Variants in SYTL1 observed in about 807,000 individuals in gnomAD.
SYTL1 encodes the protein synaptotagmin like 1.
SYTL1 carries 53 observed loss-of-function variants against 74.6 expected under a neutral mutation model. The observed-to-expected ratio is 0.71, with a 90% CI of 0.57 to 0.89. The LOEUF is 0.89. Among genes scored for constraint, SYTL1 ranks in the 40% least tolerant of loss-of-function variants. SYTL1 has a pLI of 0.00. For synonymous variants in SYTL1, 329 were observed against 324.9 expected, an observed-to-expected ratio of 1.01 and a Z score of -0.14; for missense variants, 728 against 768.7, an observed-to-expected ratio of 0.95 and a Z score of 0.63.
At position 27,351,240 on chromosome 1, in the gene SYTL1, T is replaced by C. The variant is rs1228044865; in HGVS notation, c.1165-18T>C. 7.7e-6 allele frequency: 12 copies of C among 1,550,538 alleles called. No individual in the cohort carries two copies. Among genetic ancestry groups the C allele is most frequent in the Non-Finnish European group, 1.0e-5 (12 of 1,148,100 alleles). The stretch of plus-strand genomic sequence containing the variant: ...CTTTCCATTAGCCCCTGCTCCACGA[T>C]AAGCCCGCCTCTCGCAGGTCCCACC... On this transcript the variant is annotated intron_variant, in intron 11 of 14. Transcript: ENST00000616558. The surrounding 1 kb of genome is among the most constrained non-coding windows in gnomAD (Gnocchi z 5.0).
In SYTL1 at chr1:27,347,526, T is replaced by C; in HGVS notation, c.297T>C (p.Ser99=). 1.9e-6 allele frequency: 3 copies of C among 1,614,112 alleles called. No individual in the cohort carries two copies. The South Asian group carries it at 3.3e-5, about 18-fold the overall frequency. ...SQRHHNAHFG[S]DLVRASMRRK... ...GGCACCACAATGCCCACTTCGGCTC[T>C]GACCTTGTCCGAGCGTCTATGCGCA... The change falls in exon 3 of 15, where the codon TCT becomes TCC. Residue 99 remains serine, a synonymous_variant. Coordinates refer to ENST00000616558, the MANE Select transcript of SYTL1 (RefSeq NM_001193308.2). The surrounding 1 kb of genome is among the most constrained non-coding windows in gnomAD (Gnocchi z 4.9).
At position 27,345,374 on chromosome 1, in the gene SYTL1, GCTCTGCCCTCCCTC is replaced by G. The variant is rs749169485; in HGVS notation, c.42_55del (p.Leu15HisfsTer8). On this transcript the variant is annotated frameshift_variant, in exon 2 of 15. Transcript: ENST00000616558. LOFTEE classifies it high-confidence loss of function. This position sits in a 1 kb window ranked among gnomAD's most constrained non-coding sequence, Gnocchi z 6.0. ...CCACCCATCGCAAGAGGGGCTTTGGGCTCTGCCCTCCCTCCCCATGGCGCATGGGCCAAAGCCTG... is the reference window on the plus strand; with the variant it reads ...CCACCCATCGCAAGAGGGGCTTTGGGCCCATGGCGCATGGGCCAAAGCCTG... 2.0e-5 allele frequency: 31 copies of G among 1,550,658 alleles called. 1 individual carries two copies. In the South Asian group the frequency reaches 3.6e-4, roughly 18 times the overall value.
rs553845994 is a variant in SYTL1, at chr1:27,345,603, G to T, written c.191+78G>T. The T allele has an allele frequency of 4.1e-5, 41 of 1,002,216 alleles. No homozygotes were observed. In the Admixed American group the frequency reaches 1.0e-3, roughly 25 times the overall value. The allele number at this position is 1,002,216 out of a possible 1,614,324, so 62.1% of individuals were successfully genotyped here. A position where few individuals can be genotyped will look rare whatever the true frequency, so the allele number is the denominator to read the frequency against. ...CATCCTGCTCCCTACCGACACCACT[G>T]CCTGTCAGATGTCTGCGTGGTTCTT... On this transcript the variant is annotated intron_variant, in intron 2 of 14. Coordinates refer to ENST00000616558, the MANE Select transcript of SYTL1 (RefSeq NM_001193308.2). This position sits in a 1 kb window ranked among gnomAD's most constrained non-coding sequence, Gnocchi z 6.0.
At chr1:27,352,986 A>T in intron 13 of SYTL1, 1 of 375,282 alleles carries the variant, frequency 2.7e-6, no homozygotes, top group Non-Finnish European at 5.0e-6. Flanking sequence ...GGGTTTCACC[A>T]TGTTGGCCAG....
At position 27,350,907 on chromosome 1, in the gene SYTL1, G is replaced by C. The variant is rs1330156017; in HGVS notation, c.1119G>C (p.Thr373=). 3.1e-6 allele frequency: 5 copies of C among 1,613,474 alleles called. No homozygotes were observed. The African/African-American group carries it at 5.3e-5, about 17-fold the overall frequency. Residue 373 remains threonine, a synonymous_variant, in exon 11 of 15, where the codon ACG becomes ACC. Coordinates refer to ENST00000616558, the MANE Select transcript of SYTL1 (RefSeq NM_001193308.2). This position sits in a 1 kb window ranked among gnomAD's most constrained non-coding sequence, Gnocchi z 6.3. ...GCGAAGTTGAAGTGCCCCTGGACACGTGGGACTGGGGCTCTGAGCCCACCT... is the reference window on the plus strand; with the variant it reads ...GCGAAGTTGAAGTGCCCCTGGACACCTGGGACTGGGGCTCTGAGCCCACCT... ...FLGEVEVPLD[T]WDWGSEPTWL...
At chr1:27,349,058 C>T (rs2015122385) in intron 5 of SYTL1, 22 bp from the exon 6 acceptor site, 2 of 1,597,888 alleles carry the variant, frequency 1.3e-6, no homozygotes, top group South Asian at 2.2e-5. Flanking sequence ...GTACTGTGAC[C>T]TCTACCCCTT....
rs1464380793 is a variant in SYTL1 at position 27,353,750 on chromosome 1, C to T, written c.1587C>T (p.Ser529=). The T allele has an allele frequency of 6.2e-7, 1 of 1,613,940 alleles. No homozygotes were observed. Residue 529 remains serine (S), a synonymous_variant, in exon 15 of 15, where the codon TCC becomes TCT. Transcript: ENST00000616558. ...GGCTGCAGGTGCCCTGGATGGATTC[C>T]ACACCTGAGGAGAAGCAGCTGTGGC... ...SYGLQVPWMD[S]TPEEKQLWQA... is the part of the protein sequence containing the mutation.
chr1:27,349,473 A>T lies in SYTL1; in HGVS notation c.608A>T (p.Gln203Leu), dbSNP rs2015145968. The T allele has an allele frequency of 1.4e-6, 2 of 1,454,602 alleles. No individual in the cohort carries two copies. Among genetic ancestry groups the T allele is most frequent in the Non-Finnish European group, 1.8e-6 (2 of 1,103,234 alleles). The allele number at this position is 1,454,602 out of a possible 1,614,324, so 90.1% of individuals were successfully genotyped here. A position where few individuals can be genotyped will look rare whatever the true frequency, so the allele number is the denominator to read the frequency against. The change falls in exon 7 of 15, where the codon CAG becomes CTG. Residue 203 changes from glutamine to leucine, a missense_variant. Physicochemically the swap from Gln to Leu is moderately radical, Grantham distance 113. Transcript: ENST00000616558. ...CTGGAGCCCGCGTCGGGGGGAGAGC[A>T]GGAGCCGCGGCCCCAGCAAGCCCAG... Reference protein sequence around the residue: ...PELEPASGGEQEPRPQQAQTK... With the variant: ...PELEPASGGELEPRPQQAQTK...
chr1:27,348,820 CCT>C lies in SYTL1; in HGVS notation c.460-259_460-258del, dbSNP rs2015110118. On this transcript the variant is annotated intron_variant, in intron 5 of 14. Transcript: ENST00000616558. The surrounding 1 kb of genome is among the most constrained non-coding windows in gnomAD (Gnocchi z 4.1). ...TGAGAAAGGAATGGGACTGGCCTGG[CCT>C]GGCAGAGGTGGAGGACTCAGGTACG... Among the ~76,000 whole-genome samples the C allele has an allele frequency of 1.3e-5, 2 of 152,268 alleles. No individual in the cohort carries two copies. The highest frequency in any genetic ancestry group is 2.9e-5 in the Non-Finnish European group (2 of 68,018).
intron 5 of SYTL1, 68 bp from the exon 6 acceptor site, chr1:27,349,012 C>T: frequency 2.3e-6 from 3 of 1,277,040 alleles, no homozygotes; most frequent in African/African-American, 1.5e-5. Flanking sequence ...ACCTCTGACC[C>T]CAATATGACC....
Position 27,349,707 on chromosome 1 carries a change from CCT to C in SYTL1, c.695_696del (p.Leu232ArgfsTer14). 1 of 1,611,150 alleles carries C rather than the reference CCT, an allele frequency of 6.2e-7. No individual in the cohort carries two copies. Among genetic ancestry groups the C allele is most frequent in the Non-Finnish European group, 8.5e-7 (1 of 1,179,418 alleles). On this transcript the variant is annotated frameshift_variant, in exon 8 of 15. Coordinates refer to ENST00000616558, the MANE Select transcript of SYTL1 (RefSeq NM_001193308.2). LOFTEE classifies it high-confidence loss of function. ...GGGGAGGAGGCCCCGGGGCCCGACCCCTCTCTCGACCGCATGCTCAGCAGCAG... is the reference window on the plus strand; with the variant it reads ...GGGGAGGAGGCCCCGGGGCCCGACCCCTCTCGACCGCATGCTCAGCAGCAG...
In SYTL1 at chr1:27,343,262, G is replaced by A. The variant is rs1234894048; in HGVS notation, c.-39+1112G>A. 6.5e-6 allele frequency: 1 copy of A among 152,724 alleles called. No individual in the cohort carries two copies. The highest frequency in any genetic ancestry group is 1.5e-5 in the Non-Finnish European group (1 of 68,408). The allele number at this position is 152,724 out of a possible 1,614,324, so 9.5% of individuals were successfully genotyped here. On this transcript the variant is annotated intron_variant, in intron 1 of 14. Transcript: ENST00000616558. This position sits in a 1 kb window ranked among gnomAD's most constrained non-coding sequence, Gnocchi z 5.2. ...GCGCTGGGCAAATGCTTTCTTTCCG[G>A]AGTCACTGTGGTACCTGAGCATGGG...
chr1:27,349,378 C>A lies in SYTL1; in HGVS notation c.533-20C>A. ...GGAGGGCAGGAGAGGGCTCGCTTAG[C>A]ATCTCGTGCCCCACCCCAGATCCTG... On this transcript the variant is annotated intron_variant, in intron 6 of 14. Coordinates refer to ENST00000616558, the MANE Select transcript of SYTL1 (RefSeq NM_001193308.2). The A allele has an allele frequency of 6.9e-7, 1 of 1,445,642 alleles. No homozygotes were observed. The highest frequency in any genetic ancestry group is 1.5e-5 in the South Asian group (1 of 67,486). 89.6% of individuals were successfully genotyped at this position (1,445,642 alleles called of 1,614,324 possible).
At position 27,345,443 on chromosome 1, in the gene SYTL1, C is replaced by T; in HGVS notation, c.109C>T (p.Leu37=). 6.4e-7 allele frequency: 1 copy of T among 1,563,168 alleles called. No homozygotes were observed. Among genetic ancestry groups the T allele is most frequent in the African/African-American group, 1.3e-5 (1 of 74,202 alleles). ...TGAAGGACTGTTGGACCTCAGCTTCCTGACAGAGGAGGAGCAGGAGGCCAT... is the reference window on the plus strand; with the variant it reads ...TGAAGGACTGTTGGACCTCAGCTTCTTGACAGAGGAGGAGCAGGAGGCCAT... ...ETEGLLDLSF[L]TEEEQEAIAG... The change falls in exon 2 of 15, where the codon CTG becomes TTG. Residue 37 remains leucine, a synonymous_variant. Transcript: ENST00000616558. The surrounding 1 kb of genome is among the most constrained non-coding windows in gnomAD (Gnocchi z 6.0).
intron 13 of SYTL1, 119 bp from the exon 14 acceptor site, chr1:27,353,164 A>G: frequency 2.9e-6 from 3 of 1,037,606 alleles, no homozygotes; most frequent in South Asian, 1.5e-5. Context: ...GTCTAAGGCC[A>G]GGCAGGCAGG....
chr1:27,346,060 C>T (rs920889956), intron 2 of SYTL1, among the ~76,000 whole-genome samples: 11 of 152,190 alleles, frequency 7.2e-5, no homozygotes, highest in African/African-American at 2.2e-4. Context: ...GGATTACAGA[C>T]GCGAGCCACC....
chr1:27,353,509 AGACAGGCCCTGG>A (rs762144091), intron 14 of SYTL1, 21 bp downstream of exon 14: 57 of 1,583,746 alleles, frequency 3.6e-5, no homozygotes, highest in South Asian at 2.5e-4. Flanking sequence ...CAGCACCCTG[AGACAGGCCCTGG>A]GACAGGCCCT....
At position 27,351,645 on chromosome 1, in the gene SYTL1, C is replaced by A; in HGVS notation, c.1343+90C>A. The stretch of plus-strand genomic sequence containing the variant: ...AAACCCTTACTAATCAACCTTTGAT[C>A]ACGCAGCCTGGGCTTTCACCACTGA... On this transcript the variant is annotated intron_variant, in intron 13 of 14. Coordinates refer to ENST00000616558, the MANE Select transcript of SYTL1 (RefSeq NM_001193308.2). The surrounding 1 kb of genome is among the most constrained non-coding windows in gnomAD (Gnocchi z 5.0). The A allele has an allele frequency of 1.2e-6, 1 of 852,182 alleles. No homozygotes were observed. The highest frequency in any genetic ancestry group is 2.8e-5 in the East Asian group (1 of 35,188). The allele number at this position is 852,182 out of a possible 1,614,324, so 52.8% of individuals were successfully genotyped here.
In SYTL1 at chr1:27,351,452, G is replaced by A; in HGVS notation, c.1244-4G>A. ...GTGCGGGCCTGAGCCGAGCCTCTCC[G>A]CAGGCGCAGGACTGCCCCCGAGCGG... On this transcript the variant is annotated splice_region_variant and splice_polypyrimidine_tract_variant and intron_variant, in intron 12 of 14. Coordinates refer to ENST00000616558, the MANE Select transcript of SYTL1 (RefSeq NM_001193308.2). The surrounding 1 kb of genome is among the most constrained non-coding windows in gnomAD (Gnocchi z 5.0). 2 of 1,523,694 alleles carry A rather than the reference G, an allele frequency of 1.3e-6. No homozygotes were observed. Among genetic ancestry groups the A allele is most frequent in the South Asian group, 1.2e-5 (1 of 80,684 alleles). The allele number at this position is 1,523,694 out of a possible 1,614,324, so 94.4% of individuals were successfully genotyped here. A position where few individuals can be genotyped will look rare whatever the true frequency, so the allele number is the denominator to read the frequency against.
Sources: allele counts gnomAD v4.1 joint callset (sites outside exome capture counted in the v4.1 genomes callset), GRCh38; gene constraint gnomAD v4.1.1; non-coding constraint Gnocchi (gnomAD v3.1); transcripts MANE v1.5; gene names NCBI Gene and HGNC (gene_info 2026-07-23, HGNC 2026-07-21).